The following NALF1 variants were observed in gnomAD, a reference collection of about 807,000 sequenced individuals.
NALF1 encodes NALCN channel auxiliary factor 1.
A neutral mutation model predicts 48.4 loss-of-function variants in NALF1; 3 were observed. The observed-to-expected ratio is 0.06, with a 90% CI of 0.03 to 0.16. NALF1 has a LOEUF of 0.16. Among genes scored for constraint, NALF1 ranks in the 10% least tolerant of loss-of-function variants. The pLI is 1.00. For synonymous variants in NALF1, 262 were observed against 245.7 expected (o/e 1.07, Z -0.62); for missense variants, 526 against 571.5 (o/e 0.92, Z 0.81).
intron 1 of NALF1, among the ~76,000 whole-genome samples, chr13:107,807,546 C>A (rs1878838517): frequency 6.6e-6 from 1 of 152,192 alleles, no homozygotes; most frequent in African/African-American, 2.4e-5. Flanking sequence ...TCTTTCCACA[C>A]TGCATTACCT....
chr13:107,302,157 C>G (rs1881849332), intron 1 of NALF1, among the ~76,000 whole-genome samples: 1 of 152,218 alleles, frequency 6.6e-6, no homozygotes, highest in Admixed American at 6.5e-5. Context: ...AGCTCGCAAG[C>G]TCAGCCCCTG....
At chr13:107,640,771 G>C (rs914644401) in intron 1 of NALF1, among the ~76,000 whole-genome samples, 5 of 152,132 alleles carry the variant, frequency 3.3e-5, no homozygotes, top group African/African-American at 9.7e-5. Context: ...GTGAGACCTA[G>C]GAACAATAAT....
chr13:107,629,787 T>C (rs930503819), intron 1 of NALF1, among the ~76,000 whole-genome samples: 2 of 152,188 alleles, frequency 1.3e-5, no homozygotes, highest in East Asian at 1.9e-4. Context: ...TTCTCTTAAA[T>C]ATATTACTTG....
intron 1 of NALF1, among the ~76,000 whole-genome samples, chr13:107,309,049 C>T (rs1338768066): frequency 2.0e-5 from 3 of 152,162 alleles, no homozygotes; most frequent in Admixed American, 6.5e-5. Context: ...CCTACAATGG[C>T]GCTATTCCAA....
chr13:107,767,268 T>C (rs941403491), intron 1 of NALF1, among the ~76,000 whole-genome samples: 1 of 152,220 alleles, frequency 6.6e-6, no homozygotes, highest in Admixed American at 6.5e-5. Context: ...TGTGACTGGA[T>C]GCATAATTGG....
chr13:107,451,316 G>A (rs779754889), intron 1 of NALF1, among the ~76,000 whole-genome samples: 4 of 152,178 alleles, frequency 2.6e-5, no homozygotes, highest in Non-Finnish European at 5.9e-5. Flanking sequence ...GAAGCAGTCA[G>A]GTTTTCCTGA....
chr13:107,390,499 A>G (rs903004995), intron 1 of NALF1, among the ~76,000 whole-genome samples: 1 of 152,202 alleles, frequency 6.6e-6, no homozygotes, highest in African/African-American at 2.4e-5. Flanking sequence ...GCAAAAGCCA[A>G]AAACATTAGA....
intron 1 of NALF1, among the ~76,000 whole-genome samples, chr13:107,257,381 G>A (rs1444417465): frequency 6.6e-6 from 1 of 152,064 alleles, no homozygotes; most frequent in African/African-American, 2.4e-5. Context: ...TAATAATAGG[G>A]AATTTAGAAT....
chr13:107,644,879 C>T (rs1880271752), intron 1 of NALF1, among the ~76,000 whole-genome samples: 1 of 151,616 alleles, frequency 6.6e-6, no homozygotes, highest in Non-Finnish European at 1.5e-5. Flanking sequence ...ATAATCACTG[C>T]CGTAGATGTG....
At chr13:107,509,231 C>T (rs905269971) in intron 1 of NALF1, among the ~76,000 whole-genome samples, 9 of 152,074 alleles carry the variant, frequency 5.9e-5, no homozygotes, top group Non-Finnish European at 7.4e-5. Context: ...TATATACAAA[C>T]GCATACATAT....
intron 1 of NALF1, among the ~76,000 whole-genome samples, chr13:107,490,686 A>G (rs557719575): frequency 6.6e-6 from 1 of 152,112 alleles, no homozygotes; most frequent in South Asian, 2.1e-4. Context: ...TATGTAACAA[A>G]CCTGCACATG....
At chr13:107,553,968 A>C (rs1261408985) in intron 1 of NALF1, among the ~76,000 whole-genome samples, 2 of 152,230 alleles carry the variant, frequency 1.3e-5, no homozygotes, top group Non-Finnish European at 2.9e-5. Context: ...CCAGAGAGTC[A>C]TCAGTCAGAT....
At chr13:107,708,755 T>C (rs990710523) in intron 1 of NALF1, among the ~76,000 whole-genome samples, 27 of 152,112 alleles carry the variant, frequency 1.8e-4, no homozygotes, top group Non-Finnish European at 3.5e-4. Flanking sequence ...AGTTCCAGGG[T>C]ACATGTGCAG....
intron 1 of NALF1, among the ~76,000 whole-genome samples, chr13:107,451,874 C>A (rs746300987): frequency 1.7e-4 from 26 of 152,168 alleles, no homozygotes; most frequent in Non-Finnish European, 2.8e-4. Context: ...AGTGGATTCT[C>A]TTCTTTCTTA....
chr13:107,381,614 G>T (rs531163972), intron 1 of NALF1, among the ~76,000 whole-genome samples: 142 of 151,722 alleles, frequency 9.4e-4, no homozygotes, highest in Non-Finnish European at 1.6e-3. Flanking sequence ...CAGATAAAAG[G>T]GCTGGGAATG....
chr13:107,516,079 T>C (rs1215830610), intron 1 of NALF1, among the ~76,000 whole-genome samples: 1 of 152,152 alleles, frequency 6.6e-6, no homozygotes, highest in Admixed American at 6.5e-5. Flanking sequence ...TCACTGGGGG[T>C]TTGAATATTT....
chr13:107,828,205 G>A lies in NALF1; in HGVS notation c.915+37477C>T, dbSNP rs74112660. 2.4e-3 allele frequency among the ~76,000 whole-genome samples: 362 copies of A among 152,132 alleles called. 3 individuals carry two copies. Among genetic ancestry groups the A allele is most frequent in the African/African-American group, 7.7e-3 (321 of 41,490 alleles). On this transcript the variant is annotated intron_variant, in intron 1 of 2. Coordinates refer to ENST00000375915, the MANE Select transcript of NALF1 (RefSeq NM_001080396.3). The stretch of plus-strand genomic sequence containing the variant: ...CTTTCTTTTTGAAAAAAAATTTTAC[G>A]AGTAATTTGAGTGAAGGTCCCTTTT...
chr13:107,604,515 A>G (rs942987170), intron 1 of NALF1, among the ~76,000 whole-genome samples: 1 of 152,198 alleles, frequency 6.6e-6, no homozygotes, highest in Non-Finnish European at 1.5e-5. Flanking sequence ...CTGATTTCAG[A>G]AAAGTATAGG....
At chr13:107,410,943 T>A (rs1169494237) in intron 1 of NALF1, among the ~76,000 whole-genome samples, 1 of 152,148 alleles carries the variant, frequency 6.6e-6, no homozygotes, top group Non-Finnish European at 1.5e-5. Context: ...GTCCTCAGAT[T>A]TTCAATAATA....
Sources: allele counts gnomAD v4.1 joint callset (sites outside exome capture counted in the v4.1 genomes callset), GRCh38; gene constraint gnomAD v4.1.1; transcripts MANE v1.5; gene names NCBI Gene and HGNC (gene_info 2026-07-23, HGNC 2026-07-21).